The following GALNT13 variants were observed in gnomAD, a reference collection of about 807,000 sequenced individuals.
The protein encoded by GALNT13 is polypeptide N-acetylgalactosaminyltransferase 13, also known as UDP-GalNAc:polypeptide N-acetylgalactosaminyltransferase 13.
Under a neutral mutation model 64.2 loss-of-function variants are expected in GALNT13, and 28 were observed. The ratio of observed to expected loss-of-function variants is 0.44; its 90% CI spans 0.32 to 0.60. The LOEUF (loss-of-function observed/expected upper bound fraction) is 0.60. GALNT13 is among the 20% of genes least tolerant of loss of function. The pLI, the probability that GALNT13 is intolerant of heterozygous loss-of-function variation, is 0.05. For synonymous variants in GALNT13, 214 were observed against 224.6 expected, an observed-to-expected ratio of 0.95 and a Z score of 0.42; for missense variants, 577 against 669.8, an observed-to-expected ratio of 0.86 and a Z score of 1.53.
rs142184766 is a variant in GALNT13 at position 154,419,882 on chromosome 2, ATAT to A, written c.1395+10805_1395+10807del. ...ATGTCAGTGCAAATAGTAGGACAAA[ATAT>A]TATTCTGTTGATTAATTGGTTAAAG... On this transcript the variant is annotated intron_variant, in intron 11 of 12. Coordinates refer to ENST00000392825, the MANE Select transcript of GALNT13 (RefSeq NM_052917.4). Among the ~76,000 whole-genome samples the A allele has an allele frequency of 2.0e-3, 303 of 152,262 alleles. 3 individuals carry two copies. Among genetic ancestry groups the A allele is most frequent in the African/African-American group, 6.6e-3 (276 of 41,576 alleles).
chr2:153,384,730 C>T, the GALNT13 span, among the ~76,000 whole-genome samples: 8 of 152,130 alleles, frequency 5.3e-5, no homozygotes, highest in African/African-American at 1.2e-4. Flanking sequence ...TGCTAACTTA[C>T]AGCCTCTGCT....
At chr2:153,073,767 G>A in the GALNT13 span, among the ~76,000 whole-genome samples, 4 of 152,180 alleles carry the variant, frequency 2.6e-5, no homozygotes, top group South Asian at 6.2e-4. Context: ...TTTATTTTAA[G>A]GTTATTTTGA....
the GALNT13 span, among the ~76,000 whole-genome samples, chr2:153,423,284 C>T: frequency 6.6e-6 from 1 of 151,722 alleles, no homozygotes; most frequent in African/African-American, 2.4e-5. Flanking sequence ...TATTTCAATA[C>T]ATGCAGGAAA....
the GALNT13 span, among the ~76,000 whole-genome samples, chr2:153,676,345 T>A: frequency 6.6e-6 from 1 of 151,928 alleles, no homozygotes; most frequent in East Asian, 1.9e-4. Flanking sequence ...AGACCAATAA[T>A]GAGCTCCAAA....
the GALNT13 span, among the ~76,000 whole-genome samples, chr2:153,774,380 A>G: frequency 4.5e-4 from 69 of 152,236 alleles, no homozygotes; most frequent in African/African-American, 1.6e-3. Context: ...AATCAGAAAA[A>G]TAATAGGAGA....
chr2:154,071,050 GGTT>G (rs953203975), intron 3 of GALNT13, among the ~76,000 whole-genome samples: 4 of 152,048 alleles, frequency 2.6e-5, no homozygotes, highest in African/African-American at 9.7e-5. Flanking sequence ...TTCTGTATTT[GGTT>G]GTCTTTTCTA....
At chr2:153,834,721 A>AT in the GALNT13 span, among the ~76,000 whole-genome samples, 2 of 152,004 alleles carry the variant, frequency 1.3e-5, no homozygotes, top group Non-Finnish European at 2.9e-5. Flanking sequence ...GTACACATTG[A>AT]TTTTCTTTTT....
chr2:153,465,326 C>G, the GALNT13 span, among the ~76,000 whole-genome samples: 2 of 151,996 alleles, frequency 1.3e-5, no homozygotes, highest in African/African-American at 4.8e-5. Flanking sequence ...GGTCTGTGTT[C>G]TTTGCAGTTC....
the GALNT13 span, among the ~76,000 whole-genome samples, chr2:153,655,064 A>G: frequency 2.0e-5 from 3 of 152,138 alleles, no homozygotes; most frequent in Non-Finnish European, 4.4e-5. Flanking sequence ...CATATTATCA[A>G]TTTTGATCAA....
At chr2:153,648,437 T>C in the GALNT13 span, among the ~76,000 whole-genome samples, 1 of 152,204 alleles carries the variant, frequency 6.6e-6, no homozygotes. Context: ...TTCCTCTTTT[T>C]CTAATTGAAT....
chr2:154,041,406 C>T (rs1698969213), intron 3 of GALNT13, among the ~76,000 whole-genome samples: 1 of 140,074 alleles, frequency 7.1e-6, no homozygotes, highest in South Asian at 2.3e-4. Context: ...TAGAAATATG[C>T]AATTTTTTAT....
chr2:153,580,239 T>C, the GALNT13 span, among the ~76,000 whole-genome samples: 2 of 152,144 alleles, frequency 1.3e-5, no homozygotes, highest in Non-Finnish European at 1.5e-5. Flanking sequence ...TCATACAATT[T>C]AATCCTCTGC....
At chr2:153,590,341 A>G in the GALNT13 span, among the ~76,000 whole-genome samples, 1 of 152,174 alleles carries the variant, frequency 6.6e-6, no homozygotes, top group African/African-American at 2.4e-5. Context: ...TGAATTAGTA[A>G]TAAATCTCCC....
At chr2:153,457,191 A>G in the GALNT13 span, among the ~76,000 whole-genome samples, 1 of 152,144 alleles carries the variant, frequency 6.6e-6, no homozygotes. Flanking sequence ...GTGTAACTGG[A>G]TTGTTAGAAT....
At chr2:153,099,870 G>A in the GALNT13 span, among the ~76,000 whole-genome samples, 1 of 152,146 alleles carries the variant, frequency 6.6e-6, no homozygotes, top group Admixed American at 6.6e-5. Context: ...GAATTGACTG[G>A]GGCTAGGGTT....
intron 11 of GALNT13, among the ~76,000 whole-genome samples, chr2:154,421,499 C>G (rs1469480451): frequency 6.6e-6 from 1 of 152,006 alleles, no homozygotes; most frequent in Non-Finnish European, 1.5e-5. Context: ...ATAGGTTTTA[C>G]ATGCCCTAAT....
intron 9 of GALNT13, among the ~76,000 whole-genome samples, chr2:154,382,881 G>C (rs1280906967): frequency 2.0e-5 from 3 of 151,342 alleles, no homozygotes; most frequent in Non-Finnish European, 2.9e-5. Flanking sequence ...CTTTGTTACT[G>C]TGTGGCATTT....
chr2:153,122,826 C>A, the GALNT13 span, among the ~76,000 whole-genome samples: 34 of 152,110 alleles, frequency 2.2e-4, no homozygotes, highest in South Asian at 8.3e-4. Context: ...CCCCTCCCCC[C>A]AAAAATATAT....
At chr2:153,283,102 G>A in the GALNT13 span, among the ~76,000 whole-genome samples, 1 of 152,164 alleles carries the variant, frequency 6.6e-6, no homozygotes, top group African/African-American at 2.4e-5. Context: ...GATCCATGGA[G>A]GGCTCAGTGG....
Sources: allele counts gnomAD v4.1 joint callset (sites outside exome capture counted in the v4.1 genomes callset), GRCh38; gene constraint gnomAD v4.1.1; transcripts MANE v1.5; gene names NCBI Gene and HGNC (gene_info 2026-07-23, HGNC 2026-07-21).